TMEM131: variants seen among roughly 807,000 people sequenced by gnomAD.
TMEM131 encodes transmembrane protein 131.
In TMEM131, 66 loss-of-function variants were observed where a neutral mutation model predicts 211.6. The observed-to-expected ratio is 0.31, with a 90% CI of 0.26 to 0.38. The LOEUF (loss-of-function observed/expected upper bound fraction) is 0.38, where lower values mean the gene tolerates loss of function less well. Among genes scored for constraint, TMEM131 ranks in the 10% least tolerant of loss-of-function variants. The pLI is 1.00. For missense variants in TMEM131, 2,036 were observed against 2,299.3 expected, an observed-to-expected ratio of 0.89 and a Z score of 2.34; for synonymous variants, 844 against 841.3, an observed-to-expected ratio of 1.00 and a Z score of -0.06.
chr2:97,821,858 G>A (rs1682139119), intron 11 of TMEM131, among the ~76,000 whole-genome samples: 1 of 152,182 alleles, frequency 6.6e-6, no homozygotes, highest in Non-Finnish European at 1.5e-5. Context: ...TCAGAGTTGG[G>A]AGCATTGGTT....
At position 97,759,046 on chromosome 2, in the gene TMEM131, G is replaced by A. The variant is rs752716349; in HGVS notation, c.5214C>T (p.Phe1738=). The A allele has an allele frequency of 6.2e-7, 1 of 1,614,022 alleles. No individual in the cohort carries two copies. The highest frequency in any genetic ancestry group is 8.5e-7 in the Non-Finnish European group (1 of 1,179,898). ...ACGATCGAGATAATCCGAGTTTGCTGAAAACTTCTGGAAATAAAGCAACAG... is the reference window on the plus strand; with the variant it reads ...ACGATCGAGATAATCCGAGTTTGCTAAAAACTTCTGGAAATAAAGCAACAG... The part of the protein sequence containing the change: ...GNSFNLTGEV[F]SKLGLSRSCN... Residue 1738 remains phenylalanine (F), a synonymous_variant, in exon 40 of 41, where the codon TTC becomes TTT. Transcript: ENST00000186436.
At chr2:97,771,550 A>G (rs780820335) in intron 33 of TMEM131, among the ~76,000 whole-genome samples, 3 of 152,346 alleles carry the variant, frequency 2.0e-5, no homozygotes, top group South Asian at 4.1e-4. Flanking sequence ...TCTACTGATC[A>G]CAACCCACAA....
intron 3 of TMEM131, among the ~76,000 whole-genome samples, chr2:97,904,079 T>A (rs1031604579): frequency 2.0e-5 from 3 of 152,082 alleles, no homozygotes; most frequent in Admixed American, 6.5e-5. Flanking sequence ...GAAGTGAAAA[T>A]TAAATATGAG....
At chr2:97,853,484 T>C (rs1192613019) in intron 5 of TMEM131, among the ~76,000 whole-genome samples, 1 of 146,344 alleles carries the variant, frequency 6.8e-6, no homozygotes, top group Non-Finnish European at 1.5e-5. Flanking sequence ...GACGGGCCTA[T>C]AATCCCAGCT....
intron 30 of TMEM131, 170 bp downstream of exon 30, chr2:97,793,225 T>C (rs899355562): frequency 4.3e-6 from 3 of 699,376 alleles, no homozygotes; most frequent in South Asian, 2.1e-5. Flanking sequence ...AAACACAGTA[T>C]CCAGCATGAG....
chr2:97,827,128 G>T lies in TMEM131; in HGVS notation c.1074+6237C>A. ...CAAACTTACAAGGTTTTCAACAAAAGTTTGCTAAAAGTTAACAGTGTTGGG... is the reference window on the plus strand; with the variant it reads ...CAAACTTACAAGGTTTTCAACAAAATTTTGCTAAAAGTTAACAGTGTTGGG... On this transcript the variant is annotated intron_variant, in intron 11 of 40. Coordinates refer to ENST00000186436, the MANE Select transcript of TMEM131 (RefSeq NM_015348.2). 4 of 424,662 alleles carry T rather than the reference G, an allele frequency of 9.4e-6. No individual in the cohort carries two copies. In the East Asian group the frequency reaches 1.5e-4, roughly 16 times the overall value. The allele number at this position is 424,662 out of a possible 1,614,324, so 26.3% of individuals were successfully genotyped here. A position where few individuals can be genotyped will look rare whatever the true frequency, so the allele number is the denominator to read the frequency against.
At chr2:97,914,246 T>G (rs1676411109) in intron 2 of TMEM131, among the ~76,000 whole-genome samples, 1 of 152,208 alleles carries the variant, frequency 6.6e-6, no homozygotes, top group Admixed American at 6.5e-5. Context: ...TAGATTCACA[T>G]GCAGTTGCAA....
intron 1 of TMEM131, among the ~76,000 whole-genome samples, chr2:97,974,587 TTAAAAGTATCAAGAGAAAAAA>T (rs1679448639): frequency 6.7e-6 from 1 of 149,666 alleles, no homozygotes; most frequent in African/African-American, 2.5e-5. Flanking sequence ...AAAAAAAATC[TTAAAAGTATCAAGAGAAAAAA>T]AAAGACATGT....
chr2:97,894,743 T>G (rs955589957), intron 3 of TMEM131, among the ~76,000 whole-genome samples: 1 of 152,244 alleles, frequency 6.6e-6, no homozygotes, highest in Non-Finnish European at 1.5e-5. Context: ...TTTGCTGAAG[T>G]TGCTTATCAG....
Position 97,766,550 on chromosome 2 carries a change from G to C in TMEM131, c.4501C>G (p.Leu1501Val), listed in dbSNP as rs1679177838. ...PPLESKQRRN[L>V]PSKIPLPTAM... ...GTTGGAAGAGGAATCTTGCTTGGGA[G>C]ATTTCTACGTTGCTTACTTTCCAAA... The change falls in exon 34 of 41, where the codon CTC becomes GTC. Residue 1501 changes from leucine (L) to valine (V), a missense_variant. Leu to Val is a conservative substitution (Grantham distance 32). Around this residue, in one of 3 missense-constraint regions of TMEM131, gnomAD observed 1,623 missense variants for 1,805.9 expected, o/e 0.90. Coordinates refer to ENST00000186436, the MANE Select transcript of TMEM131 (RefSeq NM_015348.2). 1 of 1,613,978 alleles carries C rather than the reference G, an allele frequency of 6.2e-7. No homozygotes were observed. The highest frequency in any genetic ancestry group is 2.2e-5 in the East Asian group (1 of 44,876).
At chr2:97,883,759 G>C (rs1052124284) in intron 4 of TMEM131, among the ~76,000 whole-genome samples, 1 of 152,002 alleles carries the variant, frequency 6.6e-6, no homozygotes, top group African/African-American at 2.4e-5. Flanking sequence ...AAATTTTGAT[G>C]TTCTTTATTA....
At chr2:97,771,924 C>G (rs997545494) in intron 33 of TMEM131, among the ~76,000 whole-genome samples, 6 of 152,232 alleles carry the variant, frequency 3.9e-5, no homozygotes, top group Admixed American at 2.0e-4. Context: ...TCGACAGACT[C>G]AGAGATCTTT....
intron 28 of TMEM131, 68 bp from the exon 29 acceptor site, chr2:97,795,183 T>C: frequency 1.7e-6 from 2 of 1,151,010 alleles, no homozygotes; most frequent in Non-Finnish European, 2.5e-6. Flanking sequence ...CATATAATAC[T>C]GGTCCTATAA....
At chr2:97,917,592 G>A (rs1676559210) in intron 2 of TMEM131, among the ~76,000 whole-genome samples, 2 of 152,184 alleles carry the variant, frequency 1.3e-5, no homozygotes, top group African/African-American at 4.8e-5. Context: ...CAGTTCTGCA[G>A]GGCTTGGGAC....
chr2:97,878,808 G>T (rs1235176020), intron 4 of TMEM131, among the ~76,000 whole-genome samples: 1 of 152,036 alleles, frequency 6.6e-6, no homozygotes, highest in Non-Finnish European at 1.5e-5. Flanking sequence ...TAACAAAACT[G>T]CACGTTCTGC....
At chr2:97,939,244 G>A (rs1282929322) in intron 1 of TMEM131, among the ~76,000 whole-genome samples, 4 of 152,110 alleles carry the variant, frequency 2.6e-5, no homozygotes, top group Non-Finnish European at 5.9e-5. Context: ...CCAGGAGCTG[G>A]TTTTTTGAAA....
intron 3 of TMEM131, among the ~76,000 whole-genome samples, chr2:97,903,599 C>G (rs902793420): frequency 5.3e-5 from 8 of 152,170 alleles, no homozygotes; most frequent in Admixed American, 6.5e-5. Flanking sequence ...TTGGGAGAGA[C>G]ACAAACTTCA....
At chr2:97,813,103 A>C (rs1363838470) in intron 15 of TMEM131, among the ~76,000 whole-genome samples, 1 of 152,200 alleles carries the variant, frequency 6.6e-6, no homozygotes, top group Non-Finnish European at 1.5e-5. Context: ...TCTTTTGAGT[A>C]ATCAGAAATG....
intron 1 of TMEM131, among the ~76,000 whole-genome samples, chr2:97,936,290 G>A (rs1455688109): frequency 6.6e-6 from 1 of 152,218 alleles, no homozygotes; most frequent in African/African-American, 2.4e-5. Context: ...AAAAAGTGTT[G>A]ACACCTTCCT....
Sources: allele counts gnomAD v4.1 joint callset (sites outside exome capture counted in the v4.1 genomes callset), GRCh38; gene constraint gnomAD v4.1.1; regional missense constraint gnomAD v4.1.1; transcripts MANE v1.5; gene names NCBI Gene and HGNC (gene_info 2026-07-23, HGNC 2026-07-21).